The following RAB15 variants were observed in gnomAD, a reference collection of about 807,000 sequenced individuals.
RAB15 encodes the protein ras-related protein Rab-15.
RAB15 carries 13 observed loss-of-function variants against 31.8 expected under a neutral mutation model. The observed-to-expected ratio is 0.41, with a 90% confidence interval of 0.27 to 0.65. The LOEUF (loss-of-function observed/expected upper bound fraction) is 0.65, where lower values mean the gene tolerates loss of function less well. RAB15 is among the 30% of genes least tolerant of loss of function. The pLI is 0.32. For synonymous variants in RAB15, 100 were observed against 105.6 expected (o/e 0.95, Z 0.33); for missense variants, 220 against 277.3 (o/e 0.79, Z 1.47).
In RAB15 at chr14:64,962,969, G is replaced by A. The variant is rs1886935516; in HGVS notation, c.124+8984C>T. On this transcript the variant is annotated intron_variant, in intron 1 of 6. Coordinates refer to ENST00000533601, the MANE Select transcript of RAB15 (RefSeq NM_001308154.2). This position sits in a 1 kb window ranked among gnomAD's most constrained non-coding sequence, Gnocchi z 4.2. ...TCAAATGCCAGCAAGGCCAACTTCAGAACTCCCTGCTCCTATGTGATGCTG... is the reference window on the plus strand; with the variant it reads ...TCAAATGCCAGCAAGGCCAACTTCAAAACTCCCTGCTCCTATGTGATGCTG... Among the ~76,000 whole-genome samples, 1 of 152,130 alleles carries A rather than the reference G, an allele frequency of 6.6e-6. No individual in the cohort carries two copies. Among genetic ancestry groups the A allele is most frequent in the Non-Finnish European group, 1.5e-5 (1 of 68,018 alleles).
intron 1 of RAB15, among the ~76,000 whole-genome samples, chr14:64,963,901 C>G (rs1023622748): frequency 4.6e-5 from 7 of 152,216 alleles, no homozygotes; most frequent in African/African-American, 1.7e-4. Context: ...CTCTTCAAAG[C>G]CTTCACCAGC....
intron 1 of RAB15, among the ~76,000 whole-genome samples, chr14:64,956,631 TTC>T (rs2139981108): frequency 6.6e-6 from 1 of 152,050 alleles, no homozygotes; most frequent in South Asian, 2.1e-4. Context: ...AGCACAAGAG[TTC>T]TCTGTTTCTC....
Position 64,972,120 on chromosome 14 carries a change from T to A in RAB15, c.-44A>T. 7.4e-7 allele frequency: 1 copy of A among 1,349,434 alleles called. No individual in the cohort carries two copies. The highest frequency in any genetic ancestry group is 1.9e-5 in the South Asian group (1 of 51,652). 83.6% of individuals were successfully genotyped at this position (1,349,434 alleles called of 1,614,324 possible). On this transcript the variant is annotated 5_prime_UTR_variant, in exon 1 of 7. The change abolishes the stop of an existing upstream ORF in the 5' untranslated region. Coordinates refer to ENST00000533601, the MANE Select transcript of RAB15 (RefSeq NM_001308154.2). This position sits in a 1 kb window ranked among gnomAD's most constrained non-coding sequence, Gnocchi z 6.3. ...CGGGAACTGCGGGCGGGCAGCGGGC[T>A]CAGCCCTGCTCCGCCGCTGCCATCG...
intron 1 of RAB15, among the ~76,000 whole-genome samples, chr14:64,966,274 G>C (rs185241341): frequency 1.3e-5 from 2 of 152,274 alleles, no homozygotes; most frequent in South Asian, 2.1e-4. Context: ...AATAGCGCCT[G>C]AACGACTGAG....
rs992238344 is a variant in RAB15, at chr14:64,956,408, C to T, written c.125-3837G>A. ...TCTGGGCGACAGGGTGAGACTTCAT[C>T]TCAAAAAAAAAAAAAAAGAAAAGAA... On this transcript the variant is annotated intron_variant, in intron 1 of 6. Transcript: ENST00000533601. 2.1e-5 allele frequency among the ~76,000 whole-genome samples: 3 copies of T among 140,582 alleles called. No homozygotes were observed. The Admixed American group carries it at 2.2e-4, about 10-fold the overall frequency. The allele number at this position is 140,582 out of a possible 152,430, so 92.2% of individuals were successfully genotyped here.
Position 64,971,659 on chromosome 14 carries a change from C to T in RAB15, c.124+294G>A, listed in dbSNP as rs1215363423. On this transcript the variant is annotated intron_variant, in intron 1 of 6. Transcript: ENST00000533601. This position sits in a 1 kb window ranked among gnomAD's most constrained non-coding sequence, Gnocchi z 4.1. ...GGCTACGATTCTTGCTACCCCAGCT[C>T]GGGGTACCCAGGCCTACACCAGCTC... 3.9e-5 allele frequency: 17 copies of T among 432,014 alleles called. No individual in the cohort carries two copies. The highest frequency in any genetic ancestry group is 3.7e-4 in the Admixed American group (9 of 24,340). The allele number at this position is 432,014 out of a possible 1,614,324, so 26.8% of individuals were successfully genotyped here.
In RAB15 at chr14:64,950,199, T is replaced by G; in HGVS notation, c.414+126A>C. Reference sequence around the variant, plus strand: ...GAGGATGGCCACTCCCCCAGGGCCTTGGGGTGCTGGGGACGTGTGGGAGGA... The same window carrying G: ...GAGGATGGCCACTCCCCCAGGGCCTGGGGGTGCTGGGGACGTGTGGGAGGA... On this transcript the variant is annotated intron_variant, in intron 5 of 6. Transcript: ENST00000533601. This position sits in a 1 kb window ranked among gnomAD's most constrained non-coding sequence, Gnocchi z 5.6. 1.3e-6 allele frequency: 1 copy of G among 794,960 alleles called. No homozygotes were observed. Among genetic ancestry groups the G allele is most frequent in the South Asian group, 1.4e-5 (1 of 69,284 alleles). 49.2% of individuals were successfully genotyped at this position (794,960 alleles called of 1,614,324 possible).
intron 1 of RAB15, among the ~76,000 whole-genome samples, chr14:64,957,035 G>A (rs1256522376): frequency 6.6e-6 from 1 of 151,286 alleles, no homozygotes; most frequent in Admixed American, 6.6e-5. Flanking sequence ...CAGGACTCAA[G>A]CAATCCTCCC....
Position 64,950,681 on chromosome 14 carries a change from A to G in RAB15, c.325-267T>C. On this transcript the variant is annotated intron_variant, in intron 4 of 6. Coordinates refer to ENST00000533601, the MANE Select transcript of RAB15 (RefSeq NM_001308154.2). This position sits in a 1 kb window ranked among gnomAD's most constrained non-coding sequence, Gnocchi z 5.6. ...GTATCAGAGCTGGAAAGGACATTGG[A>G]TGTAAGTCCAGCCCTCATTCTACAG... 3.3e-6 allele frequency: 2 copies of G among 597,362 alleles called. No individual in the cohort carries two copies. The highest frequency in any genetic ancestry group is 6.0e-6 in the Non-Finnish European group (2 of 335,998). 37.0% of individuals were successfully genotyped at this position (597,362 alleles called of 1,614,324 possible).
Position 64,950,465 on chromosome 14 carries a change from A to C in RAB15, c.325-51T>G. The C allele has an allele frequency of 6.9e-7, 1 of 1,459,196 alleles. No homozygotes were observed. The highest frequency in any genetic ancestry group is 9.6e-7 in the Non-Finnish European group (1 of 1,041,726). The allele number at this position is 1,459,196 out of a possible 1,614,324, so 90.4% of individuals were successfully genotyped here. On this transcript the variant is annotated intron_variant, in intron 4 of 6. Transcript: ENST00000533601. This position sits in a 1 kb window ranked among gnomAD's most constrained non-coding sequence, Gnocchi z 5.6. Reference sequence around the variant, plus strand: ...GCCAGTGAGTGCTGCCTGCCCCCCCAATTTTCCCTACAGAGTCTGCACTGC... The same window carrying C: ...GCCAGTGAGTGCTGCCTGCCCCCCCCATTTTCCCTACAGAGTCTGCACTGC...
At chr14:64,956,137 T>C (rs1056124950) in intron 1 of RAB15, among the ~76,000 whole-genome samples, 13 of 152,168 alleles carry the variant, frequency 8.5e-5, no homozygotes, top group African/African-American at 2.9e-4. Flanking sequence ...ACGCGGTGGC[T>C]CACACCAGTA....
In RAB15 at chr14:64,971,624, T is replaced by G. The variant is rs1178198912; in HGVS notation, c.124+329A>C. 6.6e-6 allele frequency among the ~76,000 whole-genome samples: 1 copy of G among 151,870 alleles called. No homozygotes were observed. Among genetic ancestry groups the G allele is most frequent in the African/African-American group, 2.4e-5 (1 of 41,324 alleles). ...CCCTCCCCCTGGGGGTGTGGGGATGTTATTCCAGCGGCTACGATTCTTGCT... is the reference window on the plus strand; with the variant it reads ...CCCTCCCCCTGGGGGTGTGGGGATGGTATTCCAGCGGCTACGATTCTTGCT... On this transcript the variant is annotated intron_variant, in intron 1 of 6. Transcript: ENST00000533601. The surrounding 1 kb of genome is among the most constrained non-coding windows in gnomAD (Gnocchi z 4.1).
intron 5 of RAB15, among the ~76,000 whole-genome samples, chr14:64,949,748 GA>G (rs796551653): frequency 9.3e-4 from 135 of 144,918 alleles, no homozygotes; most frequent in African/African-American, 3.0e-3. Context: ...AAGAAAGAAA[GA>G]AAAAAAAAAT....
chr14:64,972,250 G>C lies in RAB15; in HGVS notation c.-174C>G, dbSNP rs184621947. ...CCTGCCCACTCGCTCGCTGGGTGCC[G>C]GGAAGCGCGGCTGCGGCGGGAGCCC... On this transcript the variant is annotated 5_prime_UTR_variant, in exon 1 of 7. Transcript: ENST00000533601. The surrounding 1 kb of genome is among the most constrained non-coding windows in gnomAD (Gnocchi z 6.3). The C allele has an allele frequency of 0.034, 9,456 of 274,986 alleles. 360 individuals carry two copies. The highest frequency in any genetic ancestry group is 0.11 in the East Asian group (619 of 5,684). The allele number at this position is 274,986 out of a possible 1,614,324, so 17.0% of individuals were successfully genotyped here.
In RAB15 at chr14:64,953,901, A is replaced by C; in HGVS notation, c.125-1330T>G. On this transcript the variant is annotated intron_variant, in intron 1 of 6. Transcript: ENST00000533601. This position sits in a 1 kb window ranked among gnomAD's most constrained non-coding sequence, Gnocchi z 4.6. ...TGCCACCAGCTGCACTGCCCGGCCC[A>C]GAAGGCCTGAAGGCACCAGCATCCC... is the stretch of plus-strand genomic sequence containing the variant. The C allele has an allele frequency of 2.0e-6, 2 of 985,426 alleles. No homozygotes were observed. Among genetic ancestry groups the C allele is most frequent in the Non-Finnish European group, 2.4e-6 (2 of 829,934 alleles). The allele number at this position is 985,426 out of a possible 1,614,324, so 61.0% of individuals were successfully genotyped here.
In RAB15 at chr14:64,953,515, C is replaced by T. The variant is rs1886378739; in HGVS notation, c.125-944G>A. Among the ~76,000 whole-genome samples, 1 of 152,180 alleles carries T rather than the reference C, an allele frequency of 6.6e-6. No individual in the cohort carries two copies. Among genetic ancestry groups the T allele is most frequent in the African/African-American group, 2.4e-5 (1 of 41,420 alleles). On this transcript the variant is annotated intron_variant, in intron 1 of 6. Coordinates refer to ENST00000533601, the MANE Select transcript of RAB15 (RefSeq NM_001308154.2). This position sits in a 1 kb window ranked among gnomAD's most constrained non-coding sequence, Gnocchi z 4.6. ...GGGAGGGAAAGGAAGCAAAGAGTTC[C>T]CACGCTTCTTCATCCAAGGGCTGGA...
Position 64,950,710 on chromosome 14 carries a change from C to G in RAB15, c.325-296G>C. On this transcript the variant is annotated intron_variant, in intron 4 of 6. Transcript: ENST00000533601. This position sits in a 1 kb window ranked among gnomAD's most constrained non-coding sequence, Gnocchi z 5.6. ...AAGTCCAGCCCTCATTCTACAGGAA[C>G]TGGGGACCCAGAGGATTCAAATGGC... 1 of 595,374 alleles carries G rather than the reference C, an allele frequency of 1.7e-6. No individual in the cohort carries two copies. The highest frequency in any genetic ancestry group is 2.8e-5 in the East Asian group (1 of 36,032). The allele number at this position is 595,374 out of a possible 1,614,324, so 36.9% of individuals were successfully genotyped here.
At chr14:64,965,155 G>GT (rs1887064447) in intron 1 of RAB15, among the ~76,000 whole-genome samples, 1 of 151,708 alleles carries the variant, frequency 6.6e-6, no homozygotes, top group South Asian at 2.1e-4. Flanking sequence ...TTTTCTTTTT[G>GT]TTTTTTTAAG....
At position 64,957,226 on chromosome 14, in the gene RAB15, C is replaced by T. The variant is rs561892630; in HGVS notation, c.125-4655G>A. Among the ~76,000 whole-genome samples, 7 of 152,254 alleles carry T rather than the reference C, an allele frequency of 4.6e-5. No individual in the cohort carries two copies. The East Asian group carries it at 7.7e-4, about 17-fold the overall frequency. ...TGCTGGGATTATAGGCATGAGCCTC[C>T]GCACCAGGCCGATTTTCTTAAGTGT... On this transcript the variant is annotated intron_variant, in intron 1 of 6. Transcript: ENST00000533601.
Sources: gnomAD v4.1 joint callset for allele counts (sites outside exome capture counted in the v4.1 genomes callset) on GRCh38, gnomAD v4.1.1 for gene constraint, Gnocchi (gnomAD v3.1) non-coding constraint, MANE v1.5 for transcripts, NCBI Gene and HGNC (gene_info 2026-07-23, HGNC 2026-07-21) for gene names.